Variants in CLTCL1 observed in about 807,000 individuals in gnomAD.
The protein encoded by CLTCL1 is clathrin heavy chain like 1.
CLTCL1 carries 159 observed loss-of-function variants against 190.0 expected under a neutral mutation model. That is an observed-to-expected ratio of 0.84 (90% CI 0.74 to 0.95). The LOEUF is 0.95. Among genes scored for constraint, CLTCL1 ranks in the 40% least tolerant of loss-of-function variants. The pLI is 0.00. For synonymous variants in CLTCL1, 752 were observed against 769.6 expected, an observed-to-expected ratio of 0.98 and a Z score of 0.38; for missense variants, 1,878 against 2,033.4, an observed-to-expected ratio of 0.92 and a Z score of 1.47.
Position 19,219,971 on chromosome 22 carries a change from G to A in CLTCL1, c.2833C>T (p.Arg945Cys), listed in dbSNP as rs781816059. The change falls in exon 18 of 33, where the codon CGC (arginine) becomes TGC (cysteine). Residue 945 changes from arginine (R) to cysteine (C), a missense_variant. Coordinates refer to ENST00000427926, the MANE Select transcript of CLTCL1 (RefSeq NM_007098.4). ...GGATCCTTTCTGCATACCAGGTAGC[G>A]GGCCTCGCTTTTGAACAGAGAATTC... ...NENSLFKSEA[R>C]YLVCRKDPEL... The A allele has an allele frequency of 1.5e-5, 25 of 1,613,904 alleles. No individual in the cohort carries two copies. Among genetic ancestry groups the A allele is most frequent in the African/African-American group, 1.1e-4 (8 of 74,934 alleles).
chr22:19,234,083 C>A (rs1293184533), intron 7 of CLTCL1, among the ~76,000 whole-genome samples: 1 of 152,134 alleles, frequency 6.6e-6, no homozygotes, highest in Non-Finnish European at 1.5e-5. Flanking sequence ...ATGAAATAAA[C>A]CCAAGAAAAA....
At chr22:19,272,603 T>G (rs2087357995) in intron 2 of CLTCL1, among the ~76,000 whole-genome samples, 2 of 152,116 alleles carry the variant, frequency 1.3e-5, no homozygotes, top group Non-Finnish European at 2.9e-5. Context: ...CCCGAGTAAC[T>G]GAGATTACAG....
chr22:19,220,129 G>GC (rs2085522360), intron 17 of CLTCL1, 122 bp from the exon 18 acceptor site: 4 of 1,219,978 alleles, frequency 3.3e-6, no homozygotes, highest in Non-Finnish European at 4.7e-6. Context: ...CAGGGCCCAG[G>GC]CAAGACGCTA....
rs5748050 is a variant in CLTCL1, at chr22:19,217,805, G to A, written c.2920-1549C>T. 9.4e-3 allele frequency among the ~76,000 whole-genome samples: 1,393 copies of A among 147,814 alleles called. 32 individuals carry two copies. The highest frequency in any genetic ancestry group is 0.069 in the East Asian group (346 of 5,044). ...GGAGGTTGCAGTGAGCCGAGATCAC[G>A]CCATTGCACTCCAGCCTGGTGAAGA... On this transcript the variant is annotated intron_variant, in intron 18 of 32. Transcript: ENST00000427926.
chr22:19,235,668 T>C, intron 6 of CLTCL1, 28 bp downstream of exon 6: 3 of 1,597,316 alleles, frequency 1.9e-6, no homozygotes, highest in Non-Finnish European at 2.6e-6. Context: ...ATGGAAAAGG[T>C]AGAAAATGAA....
intron 1 of CLTCL1, among the ~76,000 whole-genome samples, chr22:19,276,449 C>G (rs2087506546): frequency 6.6e-6 from 1 of 152,126 alleles, no homozygotes; most frequent in East Asian, 1.9e-4. Context: ...TGGACTGCTA[C>G]TACTGTGTAA....
At chr22:19,269,007 T>C (rs1365628868) in intron 2 of CLTCL1, among the ~76,000 whole-genome samples, 1 of 151,384 alleles carries the variant, frequency 6.6e-6, no homozygotes, top group African/African-American at 2.4e-5. Flanking sequence ...GGAGAATTGC[T>C]TGAACCCAGG....
At chr22:19,224,289 T>A (rs934681744) in intron 13 of CLTCL1, among the ~76,000 whole-genome samples, 2 of 152,168 alleles carry the variant, frequency 1.3e-5, no homozygotes, top group African/African-American at 4.8e-5. Context: ...TACTAGATAT[T>A]TGGTACAAGT....
intron 11 of CLTCL1, 101 bp from the exon 12 acceptor site, chr22:19,226,484 C>A: frequency 7.7e-7 from 1 of 1,292,232 alleles, no homozygotes; most frequent in Non-Finnish European, 1.1e-6. Flanking sequence ...GCCTGGCAAC[C>A]AGAACTCACA....
intron 3 of CLTCL1, among the ~76,000 whole-genome samples, chr22:19,245,151 G>A (rs2086376853): frequency 6.6e-6 from 1 of 151,132 alleles, no homozygotes; most frequent in African/African-American, 2.4e-5. Context: ...AGACAGGGTT[G>A]GCAAACTATG....
intron 5 of CLTCL1, among the ~76,000 whole-genome samples, chr22:19,236,784 A>G (rs1318738674): frequency 6.6e-6 from 1 of 152,122 alleles, no homozygotes; most frequent in Non-Finnish European, 1.5e-5. Flanking sequence ...CCAACTCTAG[A>G]AAAATAAATA....
At position 19,281,375 on chromosome 22, in the gene CLTCL1, G is replaced by A. The variant is rs28665914; in HGVS notation, c.43-5545C>T. 4.0e-5 allele frequency among the ~76,000 whole-genome samples: 6 copies of A among 151,436 alleles called. No homozygotes were observed. The South Asian group carries it at 6.3e-4, about 16-fold the overall frequency. ...TAACAATTTGAATGTACTTAATATCGCTAAAATATACACCTAAAAATGGTT... is the reference window on the plus strand; with the variant it reads ...TAACAATTTGAATGTACTTAATATCACTAAAATATACACCTAAAAATGGTT... On this transcript the variant is annotated intron_variant, in intron 1 of 32. Coordinates refer to ENST00000427926, the MANE Select transcript of CLTCL1 (RefSeq NM_007098.4).
intron 27 of CLTCL1, among the ~76,000 whole-genome samples, chr22:19,190,856 C>T (rs537741062): frequency 4.6e-5 from 7 of 151,546 alleles, no homozygotes; most frequent in Non-Finnish European, 8.8e-5. Flanking sequence ...TGGCTCACTG[C>T]TAGCTGTGCC....
At chr22:19,256,359 T>TTTTA (rs2086754787) in intron 2 of CLTCL1, among the ~76,000 whole-genome samples, 1 of 125,296 alleles carries the variant, frequency 8.0e-6, no homozygotes, top group African/African-American at 2.9e-5. Flanking sequence ...TTTATCTTTT[T>TTTTA]TTTTTTTTTT....
chr22:19,266,439 C>G (rs766915127), intron 2 of CLTCL1, among the ~76,000 whole-genome samples: 1 of 152,120 alleles, frequency 6.6e-6, no homozygotes, highest in Non-Finnish European at 1.5e-5. Context: ...AATTTAAAAT[C>G]TTCCCACAAA....
At chr22:19,256,359 T>A (rs140321956) in intron 2 of CLTCL1, among the ~76,000 whole-genome samples, 1,403 of 125,332 alleles carry the variant, frequency 0.011, 30 homozygotes, top group East Asian at 0.075. Context: ...TTTATCTTTT[T>A]TTTTTTTTTT....
intron 27 of CLTCL1, among the ~76,000 whole-genome samples, chr22:19,191,018 C>G (rs186355912): frequency 6.6e-6 from 1 of 152,106 alleles, no homozygotes; most frequent in South Asian, 2.1e-4. Context: ...CCTCGTGATC[C>G]GCCCGCCTCG....
chr22:19,220,050 G>A, intron 17 of CLTCL1, 43 bp from the exon 18 acceptor site: 1 of 1,612,342 alleles, frequency 6.2e-7, no homozygotes, highest in South Asian at 1.1e-5. Flanking sequence ...CAGCCAACCA[G>A]CGGAAGCTGC....
At chr22:19,186,832 C>A (rs1374483200) in intron 29 of CLTCL1, among the ~76,000 whole-genome samples, 1 of 152,168 alleles carries the variant, frequency 6.6e-6, no homozygotes, top group East Asian at 1.9e-4. Flanking sequence ...AACTCCTGAC[C>A]TCAAATGATC....
Sources: allele counts gnomAD v4.1 joint callset (sites outside exome capture counted in the v4.1 genomes callset), GRCh38; gene constraint gnomAD v4.1.1; transcripts MANE v1.5; gene names NCBI Gene and HGNC (gene_info 2026-07-23, HGNC 2026-07-21).